Variants in FGD2 observed in about 807,000 individuals in gnomAD.
FGD2 encodes the protein FYVE, RhoGEF and PH domain-containing protein 2.
Under a neutral mutation model 75.9 loss-of-function variants are expected in FGD2, and 52 were observed. The observed-to-expected ratio is 0.69, with a 90% CI of 0.55 to 0.86. The LOEUF is 0.86. Among genes scored for constraint, FGD2 ranks in the 40% least tolerant of loss-of-function variants. The pLI, the probability that FGD2 is intolerant of heterozygous loss-of-function variation, is 0.00. For synonymous variants in FGD2, 347 were observed against 348.6 expected (o/e 1.00, Z 0.05); for missense variants, 790 against 872.0 (o/e 0.91, Z 1.18).
chr6:37,020,447 C>T, intron 9 of FGD2, 94 bp from the exon 10 acceptor site: 3 of 1,228,206 alleles, frequency 2.4e-6, no homozygotes, highest in Non-Finnish European at 3.5e-6. Context: ...TGAATTGTCC[C>T]TTGGGCACAA....
chr6:37,027,390 G>A, intron 14 of FGD2, 39 bp from the exon 15 acceptor site: 1 of 1,573,000 alleles, frequency 6.4e-7, no homozygotes, highest in Non-Finnish European at 8.7e-7. Flanking sequence ...GGCACTTGCG[G>A]CTGCTCTGCT....
At chr6:37,024,704 T>G (rs1188419863) in intron 13 of FGD2, 1 of 152,104 alleles carries the variant, frequency 6.6e-6, no homozygotes, top group East Asian at 1.9e-4. Context: ...AAAAAAAAAA[T>G]GCTCCTGAGG....
intron 2 of FGD2, 66 bp downstream of exon 2, chr6:37,009,131 A>T: frequency 6.8e-7 from 1 of 1,462,588 alleles, no homozygotes; most frequent in Non-Finnish European, 9.3e-7. Context: ...CCTCCCCTCC[A>T]CACATGCTTT....
At chr6:37,011,670 G>C (rs1158724168) in intron 3 of FGD2, 36 bp from the exon 4 acceptor site, 1 of 1,613,092 alleles carries the variant, frequency 6.2e-7, no homozygotes, top group Admixed American at 1.7e-5. Flanking sequence ...GTGGCTCCCT[G>C]TCACTGCAGT....
Position 37,027,563 on chromosome 6 carries a change from T to C in FGD2, c.1740T>C (p.Tyr580=), listed in dbSNP as rs1027670030. Residue 580 remains tyrosine, a synonymous_variant, in exon 15 of 16, where the codon TAT becomes TAC. Transcript: ENST00000274963. Reference sequence around the variant, plus strand: ...ATGACCCCCTCGTGCTCTATGTCTATGCTGCCCCTCAGGTAAGGCCACCAC... The same window carrying C: ...ATGACCCCCTCGTGCTCTATGTCTACGCTGCCCCTCAGGTAAGGCCACCAC... The part of the protein sequence containing the change: ...PRDDPLVLYV[Y]AAPQDMRAHT... The C allele has an allele frequency of 1.8e-5, 29 of 1,614,108 alleles. No individual in the cohort carries two copies. The East Asian group carries it at 6.5e-4, about 36-fold the overall frequency.
intron 13 of FGD2, chr6:37,025,522 A>G: frequency 2.1e-6 from 1 of 483,836 alleles, no homozygotes; most frequent in South Asian, 2.6e-5. Flanking sequence ...TGGAGGGGAG[A>G]GAAGTTACGG....
intron 5 of FGD2, 74 bp downstream of exon 5, chr6:37,013,839 C>T (rs1765143057): frequency 1.3e-6 from 2 of 1,592,626 alleles, no homozygotes; most frequent in Non-Finnish European, 1.7e-6. Context: ...TTGAGTGATT[C>T]CGGGCATCTC....
At chr6:37,009,268 C>T (rs1764897557) in intron 2 of FGD2, 1 of 544,686 alleles carries the variant, frequency 1.8e-6, no homozygotes, top group Admixed American at 3.4e-5. Flanking sequence ...TGCTGGATTA[C>T]TTCGCGAGTC....
rs772453189 is a variant in FGD2 at position 37,025,833 on chromosome 6, A to G, written c.1500A>G (p.Lys500=). The G allele has an allele frequency of 6.2e-7, 1 of 1,614,120 alleles. No homozygotes were observed. Among genetic ancestry groups the G allele is most frequent in the Non-Finnish European group, 8.5e-7 (1 of 1,180,016 alleles). The stretch of plus-strand genomic sequence containing the variant: ...GCTCCGACTACCGGGCCGAACTGAA[A>G]TACGACGACAACAGGCCCAACCGAG... The part of the protein sequence containing the change: ...ARCSDYRAEL[K]YDDNRPNRVC... Residue 500 remains lysine (K), a synonymous_variant, in exon 14 of 16, where the codon AAA becomes AAG. Transcript: ENST00000274963.
chr6:37,025,950 T>C lies in FGD2; in HGVS notation c.1605+12T>C. The C allele has an allele frequency of 6.2e-7, 1 of 1,613,334 alleles. No homozygotes were observed. The highest frequency in any genetic ancestry group is 1.1e-5 in the South Asian group (1 of 91,004). The stretch of plus-strand genomic sequence containing the variant: ...GGGGCATCCTGGAGGTGAGGGCCAC[T>C]GTCCCCGCGCTCACCATCCGTCCTC... On this transcript the variant is annotated intron_variant, in intron 14 of 15. Coordinates refer to ENST00000274963, the MANE Select transcript of FGD2 (RefSeq NM_173558.4).
chr6:37,013,910 C>T, intron 5 of FGD2, 52 bp from the exon 6 acceptor site: 1 of 1,597,010 alleles, frequency 6.3e-7, no homozygotes. Context: ...AGCAGCCTGA[C>T]CCACCTCCCT....
At position 37,014,090 on chromosome 6, in the gene FGD2, C is replaced by A. The variant is rs147996374; in HGVS notation, c.813C>A (p.Ala271=). The change falls in exon 6 of 16, where the codon GCC becomes GCA. Residue 271 remains alanine (A), a synonymous_variant. Coordinates refer to ENST00000274963, the MANE Select transcript of FGD2 (RefSeq NM_173558.4). The part of the protein sequence containing the change: ...QKLPAQAPDQ[A]DAQKALDMIF... ...TGCCAGCCCAGGCCCCAGACCAGGC[C>A]GATGCCCAGAGTGAGGACACCCCCA... 1.2e-6 allele frequency: 2 copies of A among 1,613,844 alleles called. No homozygotes were observed. The highest frequency in any genetic ancestry group is 2.2e-5 in the South Asian group (2 of 91,058).
At chr6:37,007,292 A>T (rs575661347) in intron 1 of FGD2, among the ~76,000 whole-genome samples, 5 of 152,288 alleles carry the variant, frequency 3.3e-5, no homozygotes, top group African/African-American at 1.2e-4. Flanking sequence ...GATGGCATAG[A>T]TGTAGACCTA....
chr6:37,009,252 G>A (rs929421163), intron 2 of FGD2, 187 bp downstream of exon 2: 8 of 598,350 alleles, frequency 1.3e-5, no homozygotes, highest in South Asian at 6.4e-5. Flanking sequence ...TGCCTGCTAC[G>A]CACCGTGCTG....
chr6:37,021,572 C>T lies in FGD2; in HGVS notation c.1294C>T (p.Gln432Ter), dbSNP rs747227398. 9 of 1,614,074 alleles carry T rather than the reference C, an allele frequency of 5.6e-6. No homozygotes were observed. The highest frequency in any genetic ancestry group is 7.6e-6 in the Non-Finnish European group (9 of 1,179,950). ...KRNETFKAAA[Q>*]GPEGDIQEQE... is the part of the protein sequence containing the mutation. ...GAATGAAACCTTCAAGGCTGCGGCC[C>T]AGGGGCCTGAGGGAGACATCCAGGA... is the stretch of plus-strand genomic sequence containing the variant. Residue 432 changes from glutamine (Q) to a stop codon, truncating the protein, a stop_gained, in exon 12 of 16, where the codon CAG becomes TAG. Transcript: ENST00000274963. LOFTEE classifies it high-confidence loss of function.
rs2274587 is a variant in FGD2, at chr6:37,027,446, G to T, written c.1623G>T (p.Thr541=). 8 of 1,611,528 alleles carry T rather than the reference G, an allele frequency of 5.0e-6. No individual in the cohort carries two copies. The highest frequency in any genetic ancestry group is 6.8e-6 in the Non-Finnish European group (8 of 1,178,134). The change falls in exon 15 of 16, where the codon ACG becomes ACT. Residue 541 remains threonine (T), a synonymous_variant. Transcript: ENST00000274963. ...GGTTTTAGAAAGGGTCCTCAGCCAC[G>T]CCTGACCAGAGCCTGATGTGCAGCT... ...RGILEKGSSA[T]PDQSLMCSFL... is the part of the protein sequence containing the mutation.
At chr6:37,018,342 C>T (rs1288693272) in intron 9 of FGD2, among the ~76,000 whole-genome samples, 2 of 152,216 alleles carry the variant, frequency 1.3e-5, no homozygotes, top group Non-Finnish European at 2.9e-5. Context: ...AGCCGCACAG[C>T]ACCCTCTCCT....
In FGD2 at chr6:37,020,887, C is replaced by CGTGT. The variant is rs1561938376; in HGVS notation, c.1233+148_1233+149insGTGT. 3.0e-4 allele frequency: 212 copies of CGTGT among 697,308 alleles called. 1 individual carries two copies. The African/African-American group carries it at 6.2e-3, about 21-fold the overall frequency. The allele number at this position is 697,308 out of a possible 1,614,324, so 43.2% of individuals were successfully genotyped here. On this transcript the variant is annotated intron_variant, in intron 11 of 15. Coordinates refer to ENST00000274963, the MANE Select transcript of FGD2 (RefSeq NM_173558.4). ...AAGGGGAGGGAGTGGTGTATGTATG[C>CGTGT]ATGTGTGTGTGTGTGTGTGTGTGTG...
At position 37,021,650 on chromosome 6, in the gene FGD2, T is replaced by C. The variant is rs750249988; in HGVS notation, c.1326+46T>C. On this transcript the variant is annotated intron_variant, in intron 12 of 15. Transcript: ENST00000274963. The stretch of plus-strand genomic sequence containing the variant: ...CCCTTGCTGGAGCCACCAACCCAAA[T>C]AGAGCTTGTTCCCTCTCTGTTCTGC... 8.5e-6 allele frequency: 13 copies of C among 1,520,728 alleles called. No individual in the cohort carries two copies. In the Admixed American group the frequency reaches 9.0e-5, roughly 11 times the overall value. The allele number at this position is 1,520,728 out of a possible 1,614,324, so 94.2% of individuals were successfully genotyped here.
Sources: gnomAD v4.1 joint callset for allele counts (sites outside exome capture counted in the v4.1 genomes callset) on GRCh38, gnomAD v4.1.1 for gene constraint, MANE v1.5 for transcripts, NCBI Gene and HGNC (gene_info 2026-07-23, HGNC 2026-07-21) for gene names.